SLC22A23: variants seen among roughly 807,000 people sequenced by gnomAD.
SLC22A23 encodes the protein solute carrier family 22 member 23.
SLC22A23 carries 26 observed loss-of-function variants against 61.0 expected under a neutral mutation model. The observed-to-expected ratio is 0.43, with a 90% CI of 0.31 to 0.59. The LOEUF (loss-of-function observed/expected upper bound fraction) is 0.59. SLC22A23 is among the 20% of genes least tolerant of loss of function. The pLI is 0.11. For missense variants in SLC22A23, 796 were observed against 934.7 expected (o/e 0.85, Z 1.94); for synonymous variants, 430 against 413.9 (o/e 1.04, Z -0.47).
At position 3,273,256 on chromosome 6, in the gene SLC22A23, C is replaced by T. The variant is rs1758596462; in HGVS notation, c.1860G>A (p.Glu620=). The T allele has an allele frequency of 1.2e-6, 2 of 1,613,202 alleles. No homozygotes were observed. The highest frequency in any genetic ancestry group is 1.7e-6 in the Non-Finnish European group (2 of 1,179,312). Residue 620 remains glutamate (E), a synonymous_variant, in exon 10 of 10, where the codon GAG becomes GAA. Transcript: ENST00000406686. ...ICIICILLLP[E]SRDQNLPENI... ...TCTCAGGCAGGTTCTGGTCCCTGCT[C>T]TCGGGCAGCAGGAGGATGCAGATGA...
Position 3,455,954 on chromosome 6 carries a change from T to G in SLC22A23, c.606A>C (p.Ala202=). 1 of 1,538,746 alleles carries G rather than the reference T, an allele frequency of 6.5e-7. No homozygotes were observed. Among genetic ancestry groups the G allele is most frequent in the Non-Finnish European group, 8.8e-7 (1 of 1,139,716 alleles). Residue 202 remains alanine (A), a synonymous_variant, in exon 1 of 10, where the codon GCA becomes GCC. Coordinates refer to ENST00000406686, the MANE Select transcript of SLC22A23 (RefSeq NM_015482.2). ...GDNASNCDCR[A]WDYGIRAGLV... Reference sequence around the variant, plus strand: ...GGCCGGCGCGGATGCCGTAGTCCCATGCGCGGCAGTCACAGTTGGAGGCGT... The same window carrying G: ...GGCCGGCGCGGATGCCGTAGTCCCAGGCGCGGCAGTCACAGTTGGAGGCGT...
At chr6:3,334,042 C>A (rs1172090194) in intron 3 of SLC22A23, among the ~76,000 whole-genome samples, 1 of 152,200 alleles carries the variant, frequency 6.6e-6, no homozygotes, top group African/African-American at 2.4e-5. Context: ...GCCCTGAGAT[C>A]CTATAATTAA....
At chr6:3,366,638 T>A (rs976276770) in intron 3 of SLC22A23, among the ~76,000 whole-genome samples, 2 of 152,208 alleles carry the variant, frequency 1.3e-5, no homozygotes, top group Admixed American at 6.5e-5. Flanking sequence ...ATGTGGACAA[T>A]ACTTCTATGC....
At chr6:3,453,808 G>T (rs1468168659) in intron 1 of SLC22A23, among the ~76,000 whole-genome samples, 2 of 152,272 alleles carry the variant, frequency 1.3e-5, no homozygotes, top group Non-Finnish European at 1.5e-5. Flanking sequence ...GAAGGCAAAG[G>T]CTCCTTCCAC....
chr6:3,279,879 T>G (rs1759278389), intron 9 of SLC22A23, among the ~76,000 whole-genome samples: 1 of 152,168 alleles, frequency 6.6e-6, no homozygotes, highest in South Asian at 2.1e-4. Flanking sequence ...CAATAGGATC[T>G]CAATAAGGTA....
chr6:3,321,602 C>T (rs908628732), intron 4 of SLC22A23, among the ~76,000 whole-genome samples: 6 of 152,078 alleles, frequency 3.9e-5, no homozygotes, highest in African/African-American at 9.7e-5. Context: ...AAAACAAAAA[C>T]CCGGCCCTTC....
Position 3,410,596 on chromosome 6 carries a change from G to T in SLC22A23, c.759-254C>A, listed in dbSNP as rs1398609666. 6.6e-6 allele frequency among the ~76,000 whole-genome samples: 1 copy of T among 152,160 alleles called. No homozygotes were observed. The highest frequency in any genetic ancestry group is 1.9e-4 in the East Asian group (1 of 5,194). ...ACAGAGTAAGAGAATTCAGACTTGA[G>T]CCCAATTCCTGTTGCTGAGTCTATT... is the stretch of plus-strand genomic sequence containing the variant. On this transcript the variant is annotated intron_variant, in intron 2 of 9. Transcript: ENST00000406686. This position sits in a 1 kb window ranked among gnomAD's most constrained non-coding sequence, Gnocchi z 5.0.
chr6:3,430,258 C>T (rs369075248), intron 1 of SLC22A23, among the ~76,000 whole-genome samples: 45 of 152,212 alleles, frequency 3.0e-4, no homozygotes, highest in Middle Eastern at 3.4e-3. Flanking sequence ...ATCTCGTCTC[C>T]GCTGGCAGTG....
At chr6:3,284,320 C>T (rs552151942) in intron 8 of SLC22A23, among the ~76,000 whole-genome samples, 10 of 152,350 alleles carry the variant, frequency 6.6e-5, no homozygotes, top group African/African-American at 2.2e-4. Context: ...ATGTTTGCTC[C>T]AGTCAGGTCT....
At chr6:3,316,511 C>G (rs908807431) in intron 4 of SLC22A23, among the ~76,000 whole-genome samples, 5 of 152,260 alleles carry the variant, frequency 3.3e-5, no homozygotes, top group Non-Finnish European at 5.9e-5. Context: ...GCGGGACTGT[C>G]TGCCTTGCTT....
intron 3 of SLC22A23, among the ~76,000 whole-genome samples, chr6:3,406,715 C>T (rs1242007409): frequency 6.6e-6 from 1 of 152,168 alleles, no homozygotes; most frequent in South Asian, 2.1e-4. Flanking sequence ...GTGCACTCTG[C>T]TTCCATGCAA....
intron 4 of SLC22A23, among the ~76,000 whole-genome samples, chr6:3,315,664 A>G (rs924363781): frequency 6.6e-6 from 1 of 152,132 alleles, no homozygotes; most frequent in Non-Finnish European, 1.5e-5. Context: ...AGAGATCCAG[A>G]CCATCCTGGC....
At chr6:3,455,809 A>C in intron 1 of SLC22A23, 97 bp downstream of exon 1, 2 of 1,391,646 alleles carry the variant, frequency 1.4e-6, no homozygotes, top group Non-Finnish European at 9.5e-7. Context: ...ACACTCTAGC[A>C]CCACCACTTT....
In SLC22A23 at chr6:3,410,142, C is replaced by A; in HGVS notation, c.913+46G>T. On this transcript the variant is annotated intron_variant, in intron 3 of 9. Transcript: ENST00000406686. The surrounding 1 kb of genome is among the most constrained non-coding windows in gnomAD (Gnocchi z 5.0). ...TCCCAGAACCTCCCAGGCAACAATA[C>A]TTTTGCTAAATTCTTTCAAGACTAG... 2 of 1,568,942 alleles carry A rather than the reference C, an allele frequency of 1.3e-6. No individual in the cohort carries two copies. The highest frequency in any genetic ancestry group is 2.3e-5 in the East Asian group (1 of 43,620).
At chr6:3,332,908 G>A (rs775938002) in intron 3 of SLC22A23, among the ~76,000 whole-genome samples, 30 of 152,048 alleles carry the variant, frequency 2.0e-4, no homozygotes, top group Non-Finnish European at 3.8e-4. Flanking sequence ...TGACTGTCCC[G>A]TGATGTCGTT....
intron 3 of SLC22A23, among the ~76,000 whole-genome samples, chr6:3,367,965 T>C (rs1181561916): frequency 6.6e-6 from 1 of 152,158 alleles, no homozygotes; most frequent in Non-Finnish European, 1.5e-5. Context: ...TTCAGAAATG[T>C]CCATCTCTCT....
At chr6:3,275,689 TCTC>T (rs1170767422) in intron 9 of SLC22A23, among the ~76,000 whole-genome samples, 1 of 152,204 alleles carries the variant, frequency 6.6e-6, no homozygotes, top group African/African-American at 2.4e-5. Context: ...TTCATGTCAT[TCTC>T]CTGCCTCAGC....
chr6:3,296,023 T>C (rs773829535), intron 5 of SLC22A23, among the ~76,000 whole-genome samples: 2 of 152,178 alleles, frequency 1.3e-5, no homozygotes, highest in Non-Finnish European at 2.9e-5. Context: ...GGGAAATGAA[T>C]CAGTGTAATT....
intron 4 of SLC22A23, among the ~76,000 whole-genome samples, chr6:3,319,686 G>C (rs2127393542): frequency 6.6e-6 from 1 of 152,124 alleles, no homozygotes; most frequent in East Asian, 1.9e-4. Flanking sequence ...CTGTAGGTTT[G>C]GGCCCTCATA....
Sources: gnomAD v4.1 joint callset for allele counts (sites outside exome capture counted in the v4.1 genomes callset) on GRCh38, gnomAD v4.1.1 for gene constraint, Gnocchi (gnomAD v3.1) non-coding constraint, MANE v1.5 for transcripts, NCBI Gene and HGNC (gene_info 2026-07-23, HGNC 2026-07-21) for gene names.